The following BAIAP2 variants were observed in gnomAD, a reference collection of about 807,000 sequenced individuals.
BAIAP2 encodes the protein BAR/IMD domain containing adaptor protein 2.
BAIAP2 carries 18 observed loss-of-function variants against 63.0 expected under a neutral mutation model. That is an observed-to-expected ratio of 0.29 (90% confidence interval 0.20 to 0.42). The LOEUF is 0.42. BAIAP2 is among the 10% of genes least tolerant of loss of function. BAIAP2 has a pLI of 1.00. For synonymous variants in BAIAP2, 386 were observed against 307.6 expected (o/e 1.25, Z -2.67); for missense variants, 610 against 734.3 (o/e 0.83, Z 1.96).
intron 3 of BAIAP2, 44 bp downstream of exon 3, chr17:81,058,011 C>T (rs1028434316): frequency 1.4e-6 from 2 of 1,385,558 alleles, no homozygotes; most frequent in Admixed American, 1.9e-5. Context: ...GCCTGATGCC[C>T]TCAGGCAGCT....
At chr17:81,067,486 G>A (rs2051710562) in intron 3 of BAIAP2, among the ~76,000 whole-genome samples, 1 of 152,242 alleles carries the variant, frequency 6.6e-6, no homozygotes, top group Non-Finnish European at 1.5e-5. Context: ...TTGCGGTGCA[G>A]GCTGAGCTCT....
chr17:81,110,220 T>C (rs1382714296), intron 13 of BAIAP2: 12 of 985,500 alleles, frequency 1.2e-5, no homozygotes, highest in Middle Eastern at 5.2e-4. Flanking sequence ...TGGCTGGTAG[T>C]GTTTGTGTGG....
intron 3 of BAIAP2, among the ~76,000 whole-genome samples, chr17:81,081,108 G>A (rs567579945): frequency 6.6e-6 from 1 of 152,356 alleles, no homozygotes; most frequent in Non-Finnish European, 1.5e-5. Flanking sequence ...GCTGAAGCCA[G>A]TTCCCAGTGT....
Position 81,103,518 on chromosome 17 carries a change from C to G in BAIAP2, c.659C>G (p.Ala220Gly). 1.3e-6 allele frequency: 2 copies of G among 1,579,630 alleles called. No homozygotes were observed. The highest frequency in any genetic ancestry group is 1.7e-6 in the Non-Finnish European group (2 of 1,169,860). ...CCACTTCAGGGCAAGGAGCTGCTGG[C>G]GCAGAAGCTGCCGCTGTGGCAACAG... ...AYHSKGKELL[A>G]QKLPLWQQAC... The change falls in exon 8 of 14, where the codon GCG (alanine) becomes GGG (glycine). Residue 220 changes from alanine (A) to glycine (G), a missense_variant. By Grantham distance (60) the Ala-to-Gly change is moderately conservative. Around this residue, in one of 5 missense-constraint regions of BAIAP2, gnomAD observed 389 missense variants for 455.6 expected, o/e 0.85. Coordinates refer to ENST00000428708, the MANE Select transcript of BAIAP2 (RefSeq NM_001144888.2).
intron 3 of BAIAP2, among the ~76,000 whole-genome samples, chr17:81,076,826 C>G (rs768020707): frequency 5.3e-5 from 8 of 152,122 alleles, no homozygotes; most frequent in African/African-American, 1.7e-4. Flanking sequence ...TAAAAATGAT[C>G]TGGGCATGGT....
chr17:81,104,469 C>T (rs540334401), intron 9 of BAIAP2, 45 bp from the exon 10 acceptor site: 4 of 1,539,232 alleles, frequency 2.6e-6, no homozygotes, highest in South Asian at 1.2e-5. Flanking sequence ...CTTTGCTGCC[C>T]CGCCAGCCAG....
chr17:81,055,620 C>T (rs745686721), intron 2 of BAIAP2, among the ~76,000 whole-genome samples: 122 of 139,508 alleles, frequency 8.7e-4, no homozygotes, highest in Non-Finnish European at 1.7e-3. Flanking sequence ...GGCCAGACTG[C>T]AGTGGCGCTA....
intron 13 of BAIAP2, chr17:81,109,932 G>A (rs1247674155): frequency 9.1e-6 from 9 of 985,242 alleles, no homozygotes; most frequent in East Asian, 2.3e-4. Flanking sequence ...TGGGCACGCC[G>A]CACCCACGCC....
Position 81,035,192 on chromosome 17 carries a change from C to CGCCGCTGCT in BAIAP2, c.-57_-49dup, listed in dbSNP as rs1168982929. The CGCCGCTGCT allele has an allele frequency of 3.8e-4, 523 of 1,369,936 alleles. 5 individuals carry two copies. In the East Asian group the frequency reaches 9.1e-3, roughly 24 times the overall value. The allele number at this position is 1,369,936 out of a possible 1,614,324, so 84.9% of individuals were successfully genotyped here. A position where few individuals can be genotyped will look rare whatever the true frequency, so the allele number is the denominator to read the frequency against. ...TTCGTCTCCGTCCTGCTGCCGTTAC[C>CGCCGCTGCT]GCCGCTGCTGCCGCCGCTTGCGTCC... On this transcript the variant is annotated 5_prime_UTR_variant, in exon 1 of 14. Coordinates refer to ENST00000428708, the MANE Select transcript of BAIAP2 (RefSeq NM_001144888.2).
At chr17:81,092,290 T>C (rs4969247) in intron 6 of BAIAP2, among the ~76,000 whole-genome samples, 141,712 of 152,306 alleles carry the variant, frequency 0.93, 66,186 homozygotes, top group East Asian at 1. Context: ...CCAGGGTGCC[T>C]ACGAGGCCGA....
chr17:81,102,692 C>T (rs966465226), intron 7 of BAIAP2, among the ~76,000 whole-genome samples: 18 of 151,586 alleles, frequency 1.2e-4, no homozygotes, highest in African/African-American at 3.6e-4. Context: ...GGGTCCCCAG[C>T]GTGGGTGCCC....
intron 3 of BAIAP2, among the ~76,000 whole-genome samples, chr17:81,080,125 C>G (rs1407588481): frequency 1.3e-5 from 2 of 152,238 alleles, no homozygotes; most frequent in Non-Finnish European, 2.9e-5. Flanking sequence ...CACTGCTGAT[C>G]TTAGGGTCTT....
intron 3 of BAIAP2, among the ~76,000 whole-genome samples, chr17:81,079,249 G>C (rs1025210174): frequency 1.6e-4 from 24 of 152,190 alleles, no homozygotes; most frequent in Admixed American, 7.8e-4. Context: ...CATCAGCTGC[G>C]CTCAGACCTG....
chr17:81,100,115 G>A (rs548443352), intron 7 of BAIAP2, 35 bp downstream of exon 7: 2 of 1,579,490 alleles, frequency 1.3e-6, no homozygotes, highest in South Asian at 2.3e-5. Context: ...TGCCGGCGCT[G>A]GGCCTTGCTG....
chr17:81,044,721 C>T (rs1254039430), intron 1 of BAIAP2, among the ~76,000 whole-genome samples: 7 of 152,188 alleles, frequency 4.6e-5, no homozygotes, highest in African/African-American at 7.2e-5. Flanking sequence ...GATTGTATTA[C>T]GAGCCTATGA....
intron 1 of BAIAP2, among the ~76,000 whole-genome samples, chr17:81,048,396 C>T (rs550045875): frequency 6.5e-4 from 97 of 148,274 alleles, no homozygotes; most frequent in Admixed American, 1.5e-3. Flanking sequence ...CCTGAGCAGA[C>T]GGAAGGTGGA....
intron 6 of BAIAP2, among the ~76,000 whole-genome samples, chr17:81,088,856 A>G (rs1315606423): frequency 6.6e-6 from 1 of 152,194 alleles, no homozygotes; most frequent in Non-Finnish European, 1.5e-5. Flanking sequence ...GCGGGGTAGC[A>G]TAGGGCCGGA....
chr17:81,099,423 G>A (rs1264271398), intron 6 of BAIAP2, among the ~76,000 whole-genome samples: 1 of 145,762 alleles, frequency 6.9e-6, no homozygotes, highest in African/African-American at 2.4e-5. Context: ...CCTGCCTTTC[G>A]TGCTGGGGCT....
rs1183559478 is a variant in BAIAP2, at chr17:81,100,353, TTCTTGGCTCTTCTGC to T, written c.642+274_642+288del. Reference sequence around the variant, plus strand: ...CCTTCTAGAACATTCTTCTAGAATGTTCTTGGCTCTTCTGCCACAGCCATGTCCTGGGCAGGTGCA... The same window carrying T: ...CCTTCTAGAACATTCTTCTAGAATGTCACAGCCATGTCCTGGGCAGGTGCA... On this transcript the variant is annotated intron_variant, in intron 7 of 13. Transcript: ENST00000428708. 3.2e-5 allele frequency among the ~76,000 whole-genome samples: 3 copies of T among 92,966 alleles called. No individual in the cohort carries two copies. In the East Asian group the frequency reaches 2.2e-3, roughly 67 times the overall value. 61.0% of individuals were successfully genotyped at this position (92,966 alleles called of 152,430 possible).
Sources: gnomAD v4.1 joint callset for allele counts (sites outside exome capture counted in the v4.1 genomes callset) on GRCh38, gnomAD v4.1.1 for gene constraint, gnomAD v4.1.1 regional missense constraint, MANE v1.5 for transcripts, NCBI Gene and HGNC (gene_info 2026-07-23, HGNC 2026-07-21) for gene names.